Variants in MYO16 observed in about 807,000 individuals in gnomAD.
MYO16 encodes the protein myosin XVI, also known as unconventional myosin-XVI.
A neutral mutation model predicts 205.3 loss-of-function variants in MYO16; 94 were observed. That is an observed-to-expected ratio of 0.46 (90% CI 0.39 to 0.54). MYO16 has a LOEUF of 0.54. MYO16 is among the 20% of genes least tolerant of loss of function. MYO16 has a pLI of 0.00. For synonymous variants in MYO16, 988 were observed against 954.0 expected (o/e 1.04, Z -0.66); for missense variants, 2,315 against 2,387.5 (o/e 0.97, Z 0.63).
chr13:108,849,012 C>G (rs1877675333), intron 10 of MYO16, among the ~76,000 whole-genome samples: 1 of 151,758 alleles, frequency 6.6e-6, no homozygotes, highest in Non-Finnish European at 1.5e-5. Context: ...TGGTAGACTT[C>G]ACTATTTAAG....
chr13:108,884,362 G>A (rs1879759293), intron 13 of MYO16, among the ~76,000 whole-genome samples: 1 of 152,244 alleles, frequency 6.6e-6, no homozygotes, highest in Non-Finnish European at 1.5e-5. Flanking sequence ...GGGTTCAGAT[G>A]CATCCCAAGG....
At chr13:108,650,800 G>A (rs1313417057) in intron 1 of MYO16, among the ~76,000 whole-genome samples, 1 of 152,122 alleles carries the variant, frequency 6.6e-6, no homozygotes, top group Non-Finnish European at 1.5e-5. Flanking sequence ...TAGAATGGCA[G>A]GGGCATTTAG....
At chr13:108,762,814 G>C (rs904514716) in intron 4 of MYO16, among the ~76,000 whole-genome samples, 5 of 152,176 alleles carry the variant, frequency 3.3e-5, no homozygotes, top group Admixed American at 3.3e-4. Flanking sequence ...TAGGGGCTAG[G>C]TTTGGAGAAG....
At chr13:108,604,799 G>T (rs905573987) in intron 1 of MYO16, among the ~76,000 whole-genome samples, 1 of 152,052 alleles carries the variant, frequency 6.6e-6, no homozygotes, top group African/African-American at 2.4e-5. Flanking sequence ...TCCTCACTAC[G>T]TTGTCAGCCT....
rs769471897 is a variant in MYO16, at chr13:108,974,402, C to T, written c.2369+9500C>T. ...TACCATAAACATACACACACAAACA[C>T]GCACACACACATAAATACAGTTTTC... On this transcript the variant is annotated intron_variant, in intron 20 of 34. Transcript: ENST00000457511. Among the ~76,000 whole-genome samples, 5 of 152,220 alleles carry T rather than the reference C, an allele frequency of 3.3e-5. No homozygotes were observed. In the East Asian group the frequency reaches 5.8e-4, roughly 18 times the overall value.
intron 4 of MYO16, among the ~76,000 whole-genome samples, chr13:108,729,395 T>C (rs1330634305): frequency 6.6e-6 from 1 of 152,346 alleles, no homozygotes; most frequent in East Asian, 1.9e-4. Context: ...ACTACGTTCA[T>C]AGTAGTTGTT....
intron 17 of MYO16, among the ~76,000 whole-genome samples, chr13:108,958,159 TC>T (rs1292383654): frequency 1.4e-5 from 2 of 147,794 alleles, no homozygotes; most frequent in Non-Finnish European, 3.0e-5. Flanking sequence ...TTATAATATA[TC>T]ATTTTAAAAT....
chr13:108,661,667 T>A (rs1263595328), intron 1 of MYO16, among the ~76,000 whole-genome samples: 1 of 152,216 alleles, frequency 6.6e-6, no homozygotes, highest in Non-Finnish European at 1.5e-5. Context: ...TCCATTTTCA[T>A]GAATATTTCC....
intron 1 of MYO16, among the ~76,000 whole-genome samples, chr13:108,612,220 T>C (rs191554563): frequency 9.9e-5 from 15 of 152,176 alleles, no homozygotes; most frequent in Admixed American, 4.6e-4. Flanking sequence ...GCCTTTACAG[T>C]CCTGTGTCTT....
chr13:108,935,578 ACTT>A (rs1882440939), intron 16 of MYO16, among the ~76,000 whole-genome samples: 3 of 152,100 alleles, frequency 2.0e-5, no homozygotes, highest in African/African-American at 4.8e-5. Flanking sequence ...AGATAGTTTG[ACTT>A]CTTCTTTTCC....
intron 1 of MYO16, among the ~76,000 whole-genome samples, chr13:108,638,930 A>G (rs1321359662): frequency 2.0e-5 from 3 of 152,156 alleles, no homozygotes; most frequent in Non-Finnish European, 4.4e-5. Flanking sequence ...CTGAAGATCA[A>G]TGGATGAGGA....
intron 4 of MYO16, among the ~76,000 whole-genome samples, chr13:108,777,068 A>G (rs1324322795): frequency 1.3e-5 from 2 of 152,046 alleles, no homozygotes; most frequent in Non-Finnish European, 2.9e-5. Context: ...CCTGCATGCC[A>G]CCTTTCCAAG....
chr13:108,827,437 T>A (rs769545984), intron 9 of MYO16, among the ~76,000 whole-genome samples: 2 of 152,174 alleles, frequency 1.3e-5, no homozygotes, highest in Non-Finnish European at 2.9e-5. Flanking sequence ...TATGGCCTGC[T>A]GTCAGTAAAC....
chr13:108,638,541 C>G (rs769047364), intron 1 of MYO16, among the ~76,000 whole-genome samples: 1 of 152,110 alleles, frequency 6.6e-6, no homozygotes, highest in Non-Finnish European at 1.5e-5. Flanking sequence ...TGCACATTTT[C>G]ACTCAGTGAC....
intron 4 of MYO16, among the ~76,000 whole-genome samples, chr13:108,778,448 G>A (rs111611233): frequency 0.081 from 12,388 of 152,134 alleles, 533 homozygotes; most frequent in Middle Eastern, 0.12. Context: ...GCGAAACCCC[G>A]TCTCTACTAA....
chr13:109,058,193 C>CTGGGGACAA (rs1353880863), intron 27 of MYO16, among the ~76,000 whole-genome samples: 6 of 152,134 alleles, frequency 3.9e-5, no homozygotes, highest in African/African-American at 1.4e-4. Context: ...CTCTAGTCAT[C>CTGGGGACAA]TGGGGACAAT....
At chr13:108,566,696 A>G in the MYO16 span, among the ~76,000 whole-genome samples, 4 of 149,854 alleles carry the variant, frequency 2.7e-5, no homozygotes, top group African/African-American at 7.4e-5. Context: ...GGAAAGAGAG[A>G]GAGAGAGAGA....
intron 1 of MYO16, among the ~76,000 whole-genome samples, chr13:108,599,571 G>T (rs1878687867): frequency 6.6e-6 from 1 of 152,074 alleles, no homozygotes; most frequent in Non-Finnish European, 1.5e-5. Context: ...AGCTAAGAAG[G>T]ATACGTACCA....
At chr13:109,179,160 C>A (rs1199794565) in intron 33 of MYO16, among the ~76,000 whole-genome samples, 1 of 152,144 alleles carries the variant, frequency 6.6e-6, no homozygotes, top group Non-Finnish European at 1.5e-5. Flanking sequence ...GAATGGCAGC[C>A]ACATTCTGCT....
Sources: allele counts gnomAD v4.1 joint callset (sites outside exome capture counted in the v4.1 genomes callset), GRCh38; gene constraint gnomAD v4.1.1; transcripts MANE v1.5; gene names NCBI Gene and HGNC (gene_info 2026-07-23, HGNC 2026-07-21).